SSH1: variants seen among roughly 807,000 people sequenced by gnomAD.
SSH1 encodes protein phosphatase Slingshot homolog 1.
SSH1 carries 43 observed loss-of-function variants against 79.7 expected under a neutral mutation model. That is an observed-to-expected ratio of 0.54 (90% CI 0.42 to 0.70). SSH1 has a LOEUF of 0.70. SSH1 is among the 30% of genes least tolerant of loss of function. SSH1 has a pLI of 0.00. For missense variants in SSH1, 1,206 were observed against 1,358.8 expected (o/e 0.89, Z 1.77); for synonymous variants, 599 against 538.3 (o/e 1.11, Z -1.56).
At position 108,781,030 on chromosome 12, in the gene SSH1, C is replaced by G. The variant is rs1287928205; in HGVS notation, c.*6958G>C. The G allele has an allele frequency of 2.0e-5, 3 of 150,986 alleles. No homozygotes were observed. The highest frequency in any genetic ancestry group is 1.3e-4 in the Admixed American group (2 of 15,174). 9.4% of individuals were successfully genotyped at this position (150,986 alleles called of 1,614,324 possible). On this transcript the variant is annotated 3_prime_UTR_variant, in exon 15 of 15. Transcript: ENST00000326495. The stretch of plus-strand genomic sequence containing the variant: ...TCCAGTCTGGGCAACAAGAGCTAAA[C>G]TCCATCTCAAAAGAAAAAAAAAAAA...
chr12:108,820,673 G>C lies in SSH1; in HGVS notation c.215-2360C>G, dbSNP rs1440901836. 3.3e-5 allele frequency among the ~76,000 whole-genome samples: 5 copies of C among 152,312 alleles called. No homozygotes were observed. In the East Asian group the frequency reaches 9.6e-4, roughly 29 times the overall value. On this transcript the variant is annotated intron_variant, in intron 3 of 14. Coordinates refer to ENST00000326495, the MANE Select transcript of SSH1 (RefSeq NM_018984.4). Reference sequence around the variant, plus strand: ...GGGTCTCAAATTGACTGGACTGGCTGAAACAAACTGAACTACTTTTCCAAG... The same window carrying C: ...GGGTCTCAAATTGACTGGACTGGCTCAAACAAACTGAACTACTTTTCCAAG...
intron 8 of SSH1, among the ~76,000 whole-genome samples, chr12:108,806,762 C>T (rs778877747): frequency 3.3e-5 from 5 of 152,198 alleles, no homozygotes; most frequent in African/African-American, 4.8e-5. Context: ...TGAGGCAGCC[C>T]GGCCCAGCTG....
At chr12:108,842,958 T>C (rs2038814801) in intron 2 of SSH1, among the ~76,000 whole-genome samples, 1 of 152,210 alleles carries the variant, frequency 6.6e-6, no homozygotes, top group Non-Finnish European at 1.5e-5. Context: ...GAGTGGAGTA[T>C]GGGTGCTCCC....
intron 10 of SSH1, among the ~76,000 whole-genome samples, chr12:108,802,744 A>T (rs2037076918): frequency 1.3e-5 from 2 of 152,192 alleles, no homozygotes; most frequent in South Asian, 4.1e-4. Flanking sequence ...GGGCACGTTC[A>T]CAAGCCACTA....
chr12:108,796,135 C>T (rs1245848299), intron 13 of SSH1, among the ~76,000 whole-genome samples: 3 of 152,082 alleles, frequency 2.0e-5, no homozygotes, highest in East Asian at 1.9e-4. Flanking sequence ...AGACTGGTCT[C>T]GAACTCCTGA....
Position 108,792,307 on chromosome 12 carries a change from C to G in SSH1, c.1872G>C (p.Arg624Ser), listed in dbSNP as rs767174024. 1 of 1,614,154 alleles carries G rather than the reference C, an allele frequency of 6.2e-7. No homozygotes were observed. Among genetic ancestry groups the G allele is most frequent in the Non-Finnish European group, 8.5e-7 (1 of 1,180,028 alleles). ...CTACCTCCATGCCGTTGGGACAGCT[C>G]CTCTTGCTGTTGTTGTTTAGGTTCT... ...NSENLNNNSK[R>S]SCPNGMEDDA... Residue 624 changes from arginine to serine, a missense_variant, in exon 14 of 15, where the codon AGG becomes AGC. Arg to Ser is a moderately radical substitution (Grantham distance 110). Around this residue, in one of 5 missense-constraint regions of SSH1, gnomAD observed 709 missense variants for 730.6 expected, o/e 0.97. Transcript: ENST00000326495.
chr12:108,793,186 A>C (rs1565972086), intron 13 of SSH1, among the ~76,000 whole-genome samples: 1 of 152,216 alleles, frequency 6.6e-6, no homozygotes, highest in African/African-American at 2.4e-5. Context: ...CTGTCAAATA[A>C]GAATAACAAC....
At chr12:108,794,207 C>T (rs1393797163) in intron 13 of SSH1, among the ~76,000 whole-genome samples, 4 of 152,252 alleles carry the variant, frequency 2.6e-5, no homozygotes, top group African/African-American at 9.6e-5. Flanking sequence ...CCAGGGAGGC[C>T]TGCTTCTTGT....
intron 13 of SSH1, 48 bp from the exon 14 acceptor site, chr12:108,792,877 T>C (rs1451535453): frequency 6.2e-7 from 1 of 1,609,006 alleles, no homozygotes; most frequent in Non-Finnish European, 8.5e-7. Context: ...GGATGGTGCC[T>C]GGGGGTGCTG....
At chr12:108,797,196 G>A (rs577116438) in intron 13 of SSH1, among the ~76,000 whole-genome samples, 11 of 152,114 alleles carry the variant, frequency 7.2e-5, no homozygotes, top group East Asian at 3.9e-4. Context: ...GCACAATCTC[G>A]GCTCACTGCA....
chr12:108,804,066 T>C (rs926033287), intron 10 of SSH1, among the ~76,000 whole-genome samples: 1 of 152,190 alleles, frequency 6.6e-6, no homozygotes, highest in African/African-American at 2.4e-5. Flanking sequence ...GCTTTAAATA[T>C]GTATTTTTAA....
At chr12:108,800,681 C>T in intron 12 of SSH1, 99 bp downstream of exon 12, 1 of 1,485,770 alleles carries the variant, frequency 6.7e-7, no homozygotes, top group Non-Finnish European at 9.4e-7. Context: ...GATCCCCCCT[C>T]CCACCAGCCG....
At chr12:108,815,198 C>G (rs1298981257) in intron 5 of SSH1, among the ~76,000 whole-genome samples, 1 of 152,176 alleles carries the variant, frequency 6.6e-6, no homozygotes, top group Non-Finnish European at 1.5e-5. Context: ...AGTCCCAGCC[C>G]GGCCACTAAC....
intron 2 of SSH1, among the ~76,000 whole-genome samples, chr12:108,838,736 T>C (rs1027313439): frequency 6.6e-6 from 1 of 152,220 alleles, no homozygotes; most frequent in Non-Finnish European, 1.5e-5. Context: ...TGGGCTTCCT[T>C]GTGAACACCA....
At chr12:108,839,357 G>A (rs2038720414) in intron 2 of SSH1, among the ~76,000 whole-genome samples, 1 of 152,214 alleles carries the variant, frequency 6.6e-6, no homozygotes, top group South Asian at 2.1e-4. Flanking sequence ...GACCTAAAGA[G>A]CCACTCCTAG....
At position 108,788,894 on chromosome 12, in the gene SSH1, TG is replaced by T; in HGVS notation, c.2243del (p.Pro748GlnfsTer10). The T allele has an allele frequency of 6.2e-7, 1 of 1,614,228 alleles. No individual in the cohort carries two copies. Among genetic ancestry groups the T allele is most frequent in the South Asian group, 1.1e-5 (1 of 91,090 alleles). ...ASLLEPSRET[P>X]KVLPKSLLLK... ...AAAGGAGGGACTTTGGCAGGACTTT[TG>T]GGGTCTCTCTGGAAGGTTCCAAAAG... On this transcript the variant is annotated frameshift_variant, in exon 15 of 15. Coordinates refer to ENST00000326495, the MANE Select transcript of SSH1 (RefSeq NM_018984.4). LOFTEE classifies it low-confidence loss of function (END_TRUNC).
At chr12:108,802,147 G>A (rs980304016) in intron 11 of SSH1, among the ~76,000 whole-genome samples, 175 bp downstream of exon 11, 3 of 152,202 alleles carry the variant, frequency 2.0e-5, no homozygotes, top group Admixed American at 6.5e-5. Flanking sequence ...TATTCAGGGC[G>A]TGGTGTTTGG....
At chr12:108,848,394 G>C (rs2038947779) in intron 2 of SSH1, among the ~76,000 whole-genome samples, 1 of 152,144 alleles carries the variant, frequency 6.6e-6, no homozygotes, top group South Asian at 2.1e-4. Flanking sequence ...AGAAAAGAGA[G>C]AGAAATACCC....
chr12:108,789,202 A>G lies in SSH1; in HGVS notation c.1936T>C (p.Tyr646His), dbSNP rs2036398385. 1 of 1,606,558 alleles carries G rather than the reference A, an allele frequency of 6.2e-7. No homozygotes were observed. Among genetic ancestry groups the G allele is most frequent in the African/African-American group, 1.3e-5 (1 of 74,840 alleles). ...FGILNKVKPS[Y>H]KSCADCMYPT... Reference sequence around the variant, plus strand: ...TACATGCAGTCGGCACAGGATTTATAGGAAGGCTTCACTTTGTTAAGGATC... The same window carrying G: ...TACATGCAGTCGGCACAGGATTTATGGGAAGGCTTCACTTTGTTAAGGATC... Residue 646 changes from tyrosine to histidine, a missense_variant, in exon 15 of 15, where the codon TAT becomes CAT. Tyr to His is a moderately conservative substitution (Grantham distance 83). Around this residue, in one of 5 missense-constraint regions of SSH1, gnomAD observed 709 missense variants for 730.6 expected, o/e 0.97. Transcript: ENST00000326495.
Sources: allele counts gnomAD v4.1 joint callset (sites outside exome capture counted in the v4.1 genomes callset), GRCh38; gene constraint gnomAD v4.1.1; regional missense constraint gnomAD v4.1.1; transcripts MANE v1.5; gene names NCBI Gene and HGNC (gene_info 2026-07-23, HGNC 2026-07-21).